XPNPEP3: variants seen among roughly 807,000 people sequenced by gnomAD.
XPNPEP3 encodes X-prolyl aminopeptidase 3, also known as xaa-Pro aminopeptidase 3.
XPNPEP3 carries 41 observed loss-of-function variants against 60.0 expected under a neutral mutation model. The observed-to-expected ratio is 0.68, with a 90% confidence interval of 0.53 to 0.89. The LOEUF (loss-of-function observed/expected upper bound fraction) is 0.89, where lower values mean the gene tolerates loss of function less well. Among genes scored for constraint, XPNPEP3 ranks in the 40% least tolerant of loss-of-function variants. The pLI, the probability that XPNPEP3 is intolerant of heterozygous loss-of-function variation, is 0.00. For synonymous variants in XPNPEP3, 212 were observed against 223.2 expected, an observed-to-expected ratio of 0.95 and a Z score of 0.45; for missense variants, 598 against 638.9, an observed-to-expected ratio of 0.94 and a Z score of 0.69.
At chr22:40,915,176 C>T (rs1053684128) in intron 7 of XPNPEP3, among the ~76,000 whole-genome samples, 3 of 152,006 alleles carry the variant, frequency 2.0e-5, no homozygotes, top group Non-Finnish European at 2.9e-5. Flanking sequence ...TTCAGCCTCC[C>T]GAGTAGCGGG....
chr22:40,898,224 C>CTTTTTTTTTTTTTTTTTTTTT (rs1405343173), intron 4 of XPNPEP3, among the ~76,000 whole-genome samples: 1 of 70,256 alleles, frequency 1.4e-5, no homozygotes, highest in Non-Finnish European at 2.8e-5. Flanking sequence ...GTCTTTGACC[C>CTTTTTTTTTTTTTTTTTTTTT]ATTTTTTTTT....
Position 40,922,295 on chromosome 22 carries a change from T to C in XPNPEP3, c.1056-38T>C, listed in dbSNP as rs576168428. ...GTAGCAAACTTCTTAGAATATCAGATTATCTAAGTTCAGGTTCTTTGGTTT... is the reference window on the plus strand; with the variant it reads ...GTAGCAAACTTCTTAGAATATCAGACTATCTAAGTTCAGGTTCTTTGGTTT... On this transcript the variant is annotated intron_variant, in intron 7 of 9. Coordinates refer to ENST00000357137, the MANE Select transcript of XPNPEP3 (RefSeq NM_022098.4). 8 of 1,611,932 alleles carry C rather than the reference T, an allele frequency of 5.0e-6. No homozygotes were observed. In the East Asian group the frequency reaches 1.8e-4, roughly 36 times the overall value.
rs1367893999 is a variant in XPNPEP3 at position 40,874,534 on chromosome 22, TC to T, written c.181+5421del. 3.9e-5 allele frequency among the ~76,000 whole-genome samples: 6 copies of T among 152,214 alleles called. No individual in the cohort carries two copies. In the East Asian group the frequency reaches 1.2e-3, roughly 29 times the overall value. ...TTGACCTCCGGGGGTCAAACAATCT[TC>T]CTGTCTCAACCTCCTGAATAGCTGG... On this transcript the variant is annotated intron_variant, in intron 2 of 9. Coordinates refer to ENST00000357137, the MANE Select transcript of XPNPEP3 (RefSeq NM_022098.4).
At chr22:40,860,902 C>G in intron 1 of XPNPEP3, 1 of 710,312 alleles carries the variant, frequency 1.4e-6, no homozygotes, top group Non-Finnish European at 2.2e-6. Flanking sequence ...CAAACTCATC[C>G]TTTTCTGACA....
chr22:40,926,513 T>G lies in XPNPEP3; in HGVS notation c.*78T>G. 6.6e-7 allele frequency: 1 copy of G among 1,514,916 alleles called. No homozygotes were observed. The highest frequency in any genetic ancestry group is 9.2e-7 in the Non-Finnish European group (1 of 1,091,886). 93.8% of individuals were successfully genotyped at this position (1,514,916 alleles called of 1,614,324 possible). A position where few individuals can be genotyped will look rare whatever the true frequency, so the allele number is the denominator to read the frequency against. On this transcript the variant is annotated 3_prime_UTR_variant, in exon 10 of 10. Coordinates refer to ENST00000357137, the MANE Select transcript of XPNPEP3 (RefSeq NM_022098.4). ...GCCCTGCACGTGTGCTTTCTGAGTGTCTCTGTGTGTGCATTAATATATGCA... is the reference window on the plus strand; with the variant it reads ...GCCCTGCACGTGTGCTTTCTGAGTGGCTCTGTGTGTGCATTAATATATGCA...
chr22:40,880,290 T>C (rs1223847184), intron 2 of XPNPEP3, among the ~76,000 whole-genome samples: 3 of 151,794 alleles, frequency 2.0e-5, no homozygotes, highest in African/African-American at 7.3e-5. Context: ...CCCCAAGAAA[T>C]GTCATGGAGG....
rs138353 is a variant in XPNPEP3, at chr22:40,873,098, CTTTTTTT to C, written c.181+4002_181+4008del. 1.1e-3 allele frequency among the ~76,000 whole-genome samples: 101 copies of C among 88,496 alleles called. 1 individual carries two copies. Among genetic ancestry groups the C allele is most frequent in the African/African-American group, 3.8e-3 (86 of 22,792 alleles). 58.1% of individuals were successfully genotyped at this position (88,496 alleles called of 152,430 possible). A position where few individuals can be genotyped will look rare whatever the true frequency, so the allele number is the denominator to read the frequency against. ...TTGTTTTCTTTTTCTTTTTCTTTTTCTTTTTTTTTTTTTTTTTTTTTTTTTGAGACAG... is the reference window on the plus strand; with the variant it reads ...TTGTTTTCTTTTTCTTTTTCTTTTTCTTTTTTTTTTTTTTTTTTGAGACAG... On this transcript the variant is annotated intron_variant, in intron 2 of 9. Coordinates refer to ENST00000357137, the MANE Select transcript of XPNPEP3 (RefSeq NM_022098.4).
intron 8 of XPNPEP3, 126 bp downstream of exon 8, chr22:40,922,639 A>C (rs1054311925): frequency 2.4e-6 from 3 of 1,225,548 alleles, no homozygotes; most frequent in Non-Finnish European, 3.5e-6. Context: ...TAATCCCAGT[A>C]GTTTAGGAGG....
chr22:40,870,437 A>T (rs2057999408), intron 2 of XPNPEP3: 1 of 156,572 alleles, frequency 6.4e-6, no homozygotes, highest in Non-Finnish European at 1.4e-5. Flanking sequence ...GTTCACATAC[A>T]TATGTATGTG....
At chr22:40,907,748 A>C (rs2058161922) in intron 5 of XPNPEP3, 99 bp downstream of exon 5, 2 of 1,142,170 alleles carry the variant, frequency 1.8e-6, no homozygotes, top group African/African-American at 3.0e-5. Context: ...GATAGTGATG[A>C]CCAGCATGTC....
intron 1 of XPNPEP3, among the ~76,000 whole-genome samples, chr22:40,865,495 A>C (rs2057974006): frequency 6.6e-6 from 1 of 151,012 alleles, no homozygotes; most frequent in African/African-American, 2.4e-5. Flanking sequence ...TGCCTGGCTA[A>C]TTTTGTATTT....
chr22:40,883,563 T>C (rs1465969566), intron 3 of XPNPEP3, among the ~76,000 whole-genome samples: 5 of 152,162 alleles, frequency 3.3e-5, no homozygotes, highest in African/African-American at 1.2e-4. Flanking sequence ...AGTTTCACTT[T>C]GTTGCCTAGG....
intron 7 of XPNPEP3, among the ~76,000 whole-genome samples, chr22:40,916,215 CG>C (rs1192303124): frequency 1.1e-4 from 17 of 151,552 alleles, no homozygotes; most frequent in Admixed American, 1.1e-3. Flanking sequence ...TCGCTTGAAC[CG>C]GGAAAGGGGA....
At chr22:40,888,997 C>T in intron 4 of XPNPEP3, among the ~76,000 whole-genome samples, 1 of 151,870 alleles carries the variant, frequency 6.6e-6, no homozygotes, top group African/African-American at 2.4e-5. Context: ...GTGCTTCCTG[C>T]CTTCCTAATG....
In XPNPEP3 at chr22:40,888,000, A is replaced by G. The variant is rs552674500; in HGVS notation, c.792+1485A>G. On this transcript the variant is annotated intron_variant, in intron 4 of 9. Coordinates refer to ENST00000357137, the MANE Select transcript of XPNPEP3 (RefSeq NM_022098.4). ...TAACCGTTTTTAAGTATGCAAATCA[A>G]TGACATTAAGTACATTCACATTGTT... Among the ~76,000 whole-genome samples the G allele has an allele frequency of 4.1e-4, 62 of 152,302 alleles. 2 individuals carry two copies. In the South Asian group the frequency reaches 0.012, roughly 30 times the overall value.
At chr22:40,907,452 C>T in intron 4 of XPNPEP3, 135 bp from the exon 5 acceptor site, 1 of 849,364 alleles carries the variant, frequency 1.2e-6, no homozygotes. Flanking sequence ...GTATTATTAC[C>T]CCCAGTAGGT....
At chr22:40,904,799 G>A (rs1469504563) in intron 4 of XPNPEP3, among the ~76,000 whole-genome samples, 3 of 151,962 alleles carry the variant, frequency 2.0e-5, no homozygotes, top group Non-Finnish European at 2.9e-5. Context: ...GAGTCTTGCC[G>A]TGGTACCCAG....
At chr22:40,868,967 G>C in intron 1 of XPNPEP3, 32 bp from the exon 2 acceptor site, 1 of 1,552,262 alleles carries the variant, frequency 6.4e-7, no homozygotes, top group Non-Finnish European at 8.9e-7. Flanking sequence ...TAGATCTATT[G>C]TTTCATTTCA....
intron 9 of XPNPEP3, among the ~76,000 whole-genome samples, chr22:40,924,931 A>G (rs950062382): frequency 6.6e-6 from 1 of 152,216 alleles, no homozygotes; most frequent in Non-Finnish European, 1.5e-5. Context: ...TTCTTATTTA[A>G]TATCACACAA....
Sources: gnomAD v4.1 joint callset for allele counts (sites outside exome capture counted in the v4.1 genomes callset) on GRCh38, gnomAD v4.1.1 for gene constraint, MANE v1.5 for transcripts, NCBI Gene and HGNC (gene_info 2026-07-23, HGNC 2026-07-21) for gene names.